PRELID2: variants seen among roughly 807,000 people sequenced by gnomAD.
PRELID2 encodes PRELI domain containing 2.
In PRELID2, 25 loss-of-function variants were observed where a neutral mutation model predicts 28.4. That is an observed-to-expected ratio of 0.88 (90% CI 0.64 to 1.23). The LOEUF (loss-of-function observed/expected upper bound fraction) is 1.23, where lower values mean the gene tolerates loss of function less well. Ranked by LOEUF, PRELID2 falls within the 50% of genes most tolerant of loss-of-function variation. The pLI, the probability that PRELID2 is intolerant of heterozygous loss-of-function variation, is 0.00. For synonymous variants in PRELID2, 76 were observed against 71.6 expected (o/e 1.06, Z -0.31); for missense variants, 201 against 214.4 (o/e 0.94, Z 0.39).
chr5:145,542,276 T>TA (rs1289731299), intron 1 of PRELID2, among the ~76,000 whole-genome samples: 3 of 152,150 alleles, frequency 2.0e-5, no homozygotes, highest in Non-Finnish European at 4.4e-5. Context: ...GGGCTGGTAT[T>TA]AAATGCTTCC....
At chr5:145,386,145 C>G in the PRELID2 span, among the ~76,000 whole-genome samples, 1 of 151,966 alleles carries the variant, frequency 6.6e-6, no homozygotes, top group Non-Finnish European at 1.5e-5. Flanking sequence ...GAAAGGGAAG[C>G]AAACACGTTC....
chr5:145,625,243 C>G (rs901021952), intron 1 of PRELID2, among the ~76,000 whole-genome samples: 7 of 152,104 alleles, frequency 4.6e-5, no homozygotes, highest in African/African-American at 7.2e-5. Context: ...TACAGAATCT[C>G]TTGTCCAGAA....
the PRELID2 span, among the ~76,000 whole-genome samples, chr5:145,344,038 C>T: frequency 6.6e-6 from 1 of 151,628 alleles, no homozygotes; most frequent in South Asian, 2.1e-4. Flanking sequence ...AAGGAAAATC[C>T]CAGGACCGGA....
At chr5:145,275,151 G>A in the PRELID2 span, among the ~76,000 whole-genome samples, 1 of 152,028 alleles carries the variant, frequency 6.6e-6, no homozygotes, top group Non-Finnish European at 1.5e-5. Flanking sequence ...TTCAACATAT[G>A]AATTTTGGAG....
chr5:145,684,105 G>T (rs1336795844), intron 1 of PRELID2, among the ~76,000 whole-genome samples: 1 of 152,106 alleles, frequency 6.6e-6, no homozygotes, highest in East Asian at 1.9e-4. Context: ...GAGACAAAAG[G>T]GGAAGAGCAG....
chr5:145,388,939 T>C, the PRELID2 span, among the ~76,000 whole-genome samples: 1 of 152,202 alleles, frequency 6.6e-6, no homozygotes, highest in Admixed American at 6.5e-5. Flanking sequence ...TGCATGTACT[T>C]ATTTATTTTG....
intron 1 of PRELID2, among the ~76,000 whole-genome samples, chr5:145,642,454 A>G (rs1272515820): frequency 1.3e-5 from 2 of 152,112 alleles, no homozygotes; most frequent in African/African-American, 4.8e-5. Flanking sequence ...TTTTTCTCCC[A>G]TTCTGTAGGT....
the PRELID2 span, among the ~76,000 whole-genome samples, chr5:145,256,519 C>T: frequency 6.6e-6 from 1 of 151,808 alleles, no homozygotes; most frequent in Non-Finnish European, 1.5e-5. Flanking sequence ...CCTTAGTTGC[C>T]CTTTTCCATA....
chr5:145,640,465 G>A (rs1305468255), intron 1 of PRELID2, among the ~76,000 whole-genome samples: 1 of 125,252 alleles, frequency 8.0e-6, no homozygotes, highest in African/African-American at 3.2e-5. Context: ...GACAGAGCGA[G>A]ACTCCGTCTC....
intron 4 of PRELID2, among the ~76,000 whole-genome samples, chr5:145,807,942 A>G (rs575854169): frequency 6.6e-6 from 1 of 152,284 alleles, no homozygotes; most frequent in South Asian, 2.1e-4. Context: ...GAACACAAAC[A>G]TCAAATGGCA....
At chr5:145,667,983 C>T (rs1049995085) in intron 1 of PRELID2, among the ~76,000 whole-genome samples, 4 of 152,064 alleles carry the variant, frequency 2.6e-5, no homozygotes, top group Admixed American at 6.6e-5. Context: ...AGGCTTGATG[C>T]GCAAAAGCAA....
intron 1 of PRELID2, among the ~76,000 whole-genome samples, chr5:145,481,999 G>A (rs1297381375): frequency 2.6e-5 from 4 of 152,076 alleles, no homozygotes; most frequent in African/African-American, 9.7e-5. Context: ...CTTAACTTCT[G>A]GCTCACTAAA....
At chr5:145,296,539 G>A in the PRELID2 span, among the ~76,000 whole-genome samples, 1 of 152,020 alleles carries the variant, frequency 6.6e-6, no homozygotes, top group East Asian at 1.9e-4. Flanking sequence ...TTTTATGGCT[G>A]CATAGTATTC....
In PRELID2 at chr5:145,818,052, C is replaced by T. The variant is rs1298989228; in HGVS notation, c.210G>A (p.Val70=). 1 of 1,611,650 alleles carries T rather than the reference C, an allele frequency of 6.2e-7. No homozygotes were observed. The highest frequency in any genetic ancestry group is 8.5e-7 in the Non-Finnish European group (1 of 1,178,872). ...GGATATTAGGTACTTTCAAAATGCT[C>T]ACCTGTCCAACAGAAAGAAAATGGC... ...QNVVPEILRK[V]SILKVPNIQL... The change falls in exon 4 of 7, where the codon GTG becomes GTA. Residue 70 remains valine (V), a splice_region_variant and synonymous_variant. Coordinates refer to ENST00000683046, the MANE Select transcript of PRELID2 (RefSeq NM_205846.3).
the PRELID2 span, among the ~76,000 whole-genome samples, chr5:145,408,699 C>G: frequency 1.3e-5 from 2 of 151,748 alleles, no homozygotes; most frequent in Non-Finnish European, 2.9e-5. Flanking sequence ...ATGAACAAAG[C>G]CTTCAAGAAA....
chr5:145,653,409 T>A (rs1005058371), intron 1 of PRELID2, among the ~76,000 whole-genome samples: 5 of 152,214 alleles, frequency 3.3e-5, no homozygotes, highest in Admixed American at 6.5e-5. Flanking sequence ...CTAATAGACA[T>A]CTACAGAACT....
At chr5:145,485,208 A>G (rs901926961) in intron 1 of PRELID2, among the ~76,000 whole-genome samples, 1 of 152,236 alleles carries the variant, frequency 6.6e-6, no homozygotes, top group Non-Finnish European at 1.5e-5. Flanking sequence ...GGAAGAACTA[A>G]TAGTGACACT....
At chr5:145,575,252 A>C (rs958599517) in intron 1 of PRELID2, among the ~76,000 whole-genome samples, 1 of 152,216 alleles carries the variant, frequency 6.6e-6, no homozygotes, top group African/African-American at 2.4e-5. Context: ...TACTCAGGTC[A>C]ATAAAGTCAA....
the PRELID2 span, among the ~76,000 whole-genome samples, chr5:145,403,478 G>T: frequency 9.8e-5 from 15 of 152,302 alleles, no homozygotes; most frequent in African/African-American, 3.6e-4. Flanking sequence ...ATGAAGAATG[G>T]GGCCTGGTTC....
Sources: gnomAD v4.1 joint callset for allele counts (sites outside exome capture counted in the v4.1 genomes callset) on GRCh38, gnomAD v4.1.1 for gene constraint, MANE v1.5 for transcripts, NCBI Gene and HGNC (gene_info 2026-07-23, HGNC 2026-07-21) for gene names.